LRRC4C: variants seen among roughly 807,000 people sequenced by gnomAD.
LRRC4C encodes leucine-rich repeat-containing protein 4C.
LRRC4C carries 5 observed loss-of-function variants against 33.6 expected under a neutral mutation model. The ratio of observed to expected loss-of-function variants is 0.15; its 90% CI spans 0.08 to 0.31. The LOEUF is 0.31. Ranked by LOEUF, LRRC4C falls within the 10% of genes least tolerant of loss-of-function variation. The pLI, the probability that LRRC4C is intolerant of heterozygous loss-of-function variation, is 1.00. For missense variants in LRRC4C, 560 were observed against 796.7 expected (o/e 0.70, Z 3.58); for synonymous variants, 329 against 302.0 (o/e 1.09, Z -0.93).
intron 2 of LRRC4C, among the ~76,000 whole-genome samples, chr11:40,848,260 T>C (rs1953296468): frequency 6.6e-6 from 1 of 152,184 alleles, no homozygotes; most frequent in African/African-American, 2.4e-5. Flanking sequence ...TTTTAGATCT[T>C]TCCTGCTTTC....
chr11:41,392,385 C>T (rs1953632926), intron 1 of LRRC4C, among the ~76,000 whole-genome samples: 1 of 151,826 alleles, frequency 6.6e-6, no homozygotes, highest in Non-Finnish European at 1.5e-5. Flanking sequence ...TGATCTTCCA[C>T]TGGGCTCTGT....
At chr11:40,454,684 A>G (rs1449544758) in intron 3 of LRRC4C, among the ~76,000 whole-genome samples, 1 of 152,160 alleles carries the variant, frequency 6.6e-6, no homozygotes, top group Non-Finnish European at 1.5e-5. Flanking sequence ...TTCTACATCC[A>G]TATCTGAATA....
intron 3 of LRRC4C, among the ~76,000 whole-genome samples, chr11:40,354,954 G>T (rs897735675): frequency 6.6e-6 from 1 of 152,084 alleles, no homozygotes; most frequent in Non-Finnish European, 1.5e-5. Context: ...GGTCACACCT[G>T]AAGCCAGCAC....
At chr11:40,946,434 C>A (rs572557222) in intron 1 of LRRC4C, among the ~76,000 whole-genome samples, 2 of 152,198 alleles carry the variant, frequency 1.3e-5, no homozygotes, top group South Asian at 2.1e-4. Context: ...AACTCATTTT[C>A]TTTTGGATAT....
At chr11:40,895,098 C>T (rs1955880421) in intron 2 of LRRC4C, among the ~76,000 whole-genome samples, 1 of 151,732 alleles carries the variant, frequency 6.6e-6, no homozygotes, top group South Asian at 2.1e-4. Flanking sequence ...GGTGAATTAG[C>T]AGAGTTTTTG....
chr11:40,950,399 T>G (rs557300151), intron 1 of LRRC4C, among the ~76,000 whole-genome samples: 2 of 152,224 alleles, frequency 1.3e-5, no homozygotes, highest in African/African-American at 4.8e-5. Flanking sequence ...TTGTCTATTT[T>G]TATTTCCCTC....
At chr11:40,363,012 C>A (rs1418618872) in intron 3 of LRRC4C, among the ~76,000 whole-genome samples, 1 of 152,012 alleles carries the variant, frequency 6.6e-6, no homozygotes, top group African/African-American at 2.4e-5. Flanking sequence ...GTAGTGATGC[C>A]TCAAAGAAAG....
At chr11:40,449,077 C>T (rs1043505046) in intron 3 of LRRC4C, among the ~76,000 whole-genome samples, 1 of 152,036 alleles carries the variant, frequency 6.6e-6, no homozygotes, top group African/African-American at 2.4e-5. Context: ...ATATCCTTTG[C>T]CTACTTTTTG....
At chr11:40,707,801 G>T (rs902939810) in intron 2 of LRRC4C, among the ~76,000 whole-genome samples, 1 of 152,128 alleles carries the variant, frequency 6.6e-6, no homozygotes, top group East Asian at 1.9e-4. Flanking sequence ...GCTTCTCTTT[G>T]TACCTCTGGT....
At chr11:40,799,662 G>T (rs1490019192) in intron 2 of LRRC4C, among the ~76,000 whole-genome samples, 1 of 152,144 alleles carries the variant, frequency 6.6e-6, no homozygotes, top group African/African-American at 2.4e-5. Context: ...TAGAGAAGGG[G>T]TTTTGCCATG....
chr11:40,595,567 T>G lies in LRRC4C; in HGVS notation c.-270+52575A>C, dbSNP rs79262906. On this transcript the variant is annotated intron_variant, in intron 3 of 6. Coordinates refer to ENST00000528697, the MANE Select transcript of LRRC4C (RefSeq NM_001258419.2). Reference sequence around the variant, plus strand: ...TTCCCTTCTTTCTCCAACTCTTCCTTAACTACATAAACATTCTTTGGTGCA... The same window carrying G: ...TTCCCTTCTTTCTCCAACTCTTCCTGAACTACATAAACATTCTTTGGTGCA... Among the ~76,000 whole-genome samples the G allele has an allele frequency of 3.1e-3, 479 of 152,256 alleles. 4 individuals carry two copies. The highest frequency in any genetic ancestry group is 0.014 in the Middle Eastern group (4 of 294).
At chr11:40,304,793 G>A (rs901217559) in intron 4 of LRRC4C, among the ~76,000 whole-genome samples, 10 of 150,722 alleles carry the variant, frequency 6.6e-5, no homozygotes, top group African/African-American at 2.2e-4. Flanking sequence ...GTGCAGTGGC[G>A]CAATCTCGGC....
At chr11:40,651,643 A>C (rs111297942) in intron 2 of LRRC4C, among the ~76,000 whole-genome samples, 12 of 152,336 alleles carry the variant, frequency 7.9e-5, no homozygotes, top group African/African-American at 2.9e-4. Context: ...CTATACGTTT[A>C]GCACACCCTT....
intron 3 of LRRC4C, among the ~76,000 whole-genome samples, chr11:40,480,403 C>G (rs1275697493): frequency 3.3e-5 from 5 of 151,334 alleles, no homozygotes; most frequent in Non-Finnish European, 1.5e-5. Flanking sequence ...ACCACATGTT[C>G]TCATTTAAAA....
At position 40,579,760 on chromosome 11, in the gene LRRC4C, A is replaced by C. The variant is rs72888876; in HGVS notation, c.-270+68382T>G. ...AAAAGAAAAACAACAACAACAACAA[A>C]AAACAGTGTATAGAACCCTAACTGC... On this transcript the variant is annotated intron_variant, in intron 3 of 6. Coordinates refer to ENST00000528697, the MANE Select transcript of LRRC4C (RefSeq NM_001258419.2). Among the ~76,000 whole-genome samples the C allele has an allele frequency of 5.6e-3, 552 of 97,742 alleles. 2 individuals carry two copies. Among genetic ancestry groups the C allele is most frequent in the Non-Finnish European group, 8.5e-3 (405 of 47,624 alleles). The allele number at this position is 97,742 out of a possible 152,430, so 64.1% of individuals were successfully genotyped here.
intron 1 of LRRC4C, among the ~76,000 whole-genome samples, chr11:41,163,823 G>A (rs895741625): frequency 1.3e-5 from 2 of 151,914 alleles, no homozygotes; most frequent in Non-Finnish European, 2.9e-5. Context: ...TGTTGGCCAG[G>A]CTGGTCTCGA....
chr11:40,576,470 A>T (rs527805747), intron 3 of LRRC4C, among the ~76,000 whole-genome samples: 1 of 152,322 alleles, frequency 6.6e-6, no homozygotes, highest in African/African-American at 2.4e-5. Flanking sequence ...TGATAGACAA[A>T]TCTGGAAGAG....
intron 3 of LRRC4C, among the ~76,000 whole-genome samples, chr11:40,579,447 T>TTG (rs754748264): frequency 2.5e-4 from 34 of 136,680 alleles, no homozygotes; most frequent in Non-Finnish European, 4.0e-4. Flanking sequence ...TCACTGTATT[T>TTG]ATTTTGTTTT....
chr11:41,363,115 G>T (rs984742171), intron 1 of LRRC4C, among the ~76,000 whole-genome samples: 16 of 152,120 alleles, frequency 1.1e-4, no homozygotes, highest in African/African-American at 3.9e-4. Flanking sequence ...TAGCCAACTT[G>T]ACAGTAAAAC....
Sources: allele counts gnomAD v4.1 joint callset (sites outside exome capture counted in the v4.1 genomes callset), GRCh38; gene constraint gnomAD v4.1.1; transcripts MANE v1.5; gene names NCBI Gene and HGNC (gene_info 2026-07-23, HGNC 2026-07-21).